The following TMC1 variants were observed in gnomAD, a reference collection of about 807,000 sequenced individuals.
TMC1 encodes the protein transmembrane channel-like protein 1.
In TMC1, 84 loss-of-function variants were observed where a neutral mutation model predicts 105.8. That is an observed-to-expected ratio of 0.79 (90% CI 0.67 to 0.95). The LOEUF (loss-of-function observed/expected upper bound fraction) is 0.95, where lower values mean the gene tolerates loss of function less well. TMC1 is among the 40% of genes least tolerant of loss of function. The pLI is 0.00. For missense variants in TMC1, 817 were observed against 914.1 expected, an observed-to-expected ratio of 0.89 and a Z score of 1.37; for synonymous variants, 315 against 311.5, an observed-to-expected ratio of 1.01 and a Z score of -0.12.
At chr9:72,632,285 G>A (rs1048598595) in intron 4 of TMC1, among the ~76,000 whole-genome samples, 1 of 152,152 alleles carries the variant, frequency 6.6e-6, no homozygotes, top group Non-Finnish European at 1.5e-5. Flanking sequence ...CATGAGGACA[G>A]CATCAAGACA....
intron 1 of TMC1, among the ~76,000 whole-genome samples, chr9:72,529,058 T>A (rs538351364): frequency 6.8e-4 from 104 of 152,084 alleles, no homozygotes; most frequent in Non-Finnish European, 8.2e-4. Flanking sequence ...ATTTAAAGTA[T>A]GTGAGAGAAT....
chr9:72,727,390 A>G (rs1163967066), intron 8 of TMC1, among the ~76,000 whole-genome samples: 1 of 152,216 alleles, frequency 6.6e-6, no homozygotes, highest in African/African-American at 2.4e-5. Context: ...CATTAAGAAC[A>G]TAAAACATAC....
intron 1 of TMC1, among the ~76,000 whole-genome samples, chr9:72,576,875 C>T (rs1042260246): frequency 1.3e-5 from 2 of 151,810 alleles, no homozygotes; most frequent in African/African-American, 2.4e-5. Flanking sequence ...GTGATCCACC[C>T]GCCTTGGCTT....
chr9:72,804,145 C>A (rs1347065649), intron 17 of TMC1, among the ~76,000 whole-genome samples: 1 of 152,184 alleles, frequency 6.6e-6, no homozygotes, highest in Non-Finnish European at 1.5e-5. Flanking sequence ...GAAAACCAAA[C>A]ACCATATGTT....
chr9:72,662,191 CTT>C (rs71359511), intron 5 of TMC1, among the ~76,000 whole-genome samples: 8 of 141,476 alleles, frequency 5.7e-5, no homozygotes, highest in Admixed American at 7.1e-5. Context: ...TTTTCTTTTT[CTT>C]TTTTTTTTTT....
At chr9:72,606,998 T>TAGAGAGAGAGAGAGAGAG (rs566531350) in intron 2 of TMC1, among the ~76,000 whole-genome samples, 1 of 117,204 alleles carries the variant, frequency 8.5e-6, no homozygotes, top group Non-Finnish European at 1.8e-5. Context: ...TATATATATA[T>TAGAGAGAGAGAGAGAGAG]ATATAGAGAG....
At chr9:72,807,641 A>G (rs1168747747) in intron 18 of TMC1, among the ~76,000 whole-genome samples, 1 of 152,212 alleles carries the variant, frequency 6.6e-6, no homozygotes, top group Non-Finnish European at 1.5e-5. Flanking sequence ...TTTGAATTCT[A>G]CTAAACTCCT....
At chr9:72,626,065 A>T (rs868460556) in intron 3 of TMC1, among the ~76,000 whole-genome samples, 4 of 152,102 alleles carry the variant, frequency 2.6e-5, no homozygotes, top group Admixed American at 1.3e-4. Flanking sequence ...TATAAGAGAG[A>T]TGGTTTGGAG....
intron 13 of TMC1, among the ~76,000 whole-genome samples, chr9:72,779,976 G>T (rs1451096992): frequency 2.0e-5 from 3 of 152,026 alleles, no homozygotes; most frequent in African/African-American, 7.2e-5. Flanking sequence ...ATTCTTTAAG[G>T]TCAATGCAAA....
Position 72,826,911 on chromosome 9 carries a change from G to A in TMC1, c.2046G>A (p.Glu682=), listed in dbSNP as rs1828966155. 1.2e-6 allele frequency: 2 copies of A among 1,614,098 alleles called. No individual in the cohort carries two copies. Among genetic ancestry groups the A allele is most frequent in the East Asian group, 4.5e-5 (2 of 44,878 alleles). The part of the protein sequence containing the change: ...RMFEVIGETL[E]HDFPSWMAKI... Reference sequence around the variant, plus strand: ...TTGAAGTCATTGGAGAGACCCTGGAGCACGATTTCCCAAGCTGGATGGCGA... The same window carrying A: ...TTGAAGTCATTGGAGAGACCCTGGAACACGATTTCCCAAGCTGGATGGCGA... Residue 682 remains glutamate (E), a synonymous_variant, in exon 21 of 24, where the codon GAG becomes GAA. Transcript: ENST00000297784.
chr9:72,671,972 C>T (rs1030523540), intron 5 of TMC1, among the ~76,000 whole-genome samples: 1 of 152,178 alleles, frequency 6.6e-6, no homozygotes, highest in African/African-American at 2.4e-5. Context: ...AGATGAAACA[C>T]ATGTAAGAAC....
At chr9:72,688,663 G>C (rs202182752) in intron 5 of TMC1, 46 bp from the exon 6 acceptor site, 9 of 1,509,590 alleles carry the variant, frequency 6.0e-6, no homozygotes, top group Non-Finnish European at 7.3e-6. Context: ...ACTAACAATT[G>C]TACAGGCATT....
intron 17 of TMC1, among the ~76,000 whole-genome samples, chr9:72,793,227 G>C (rs546482222): frequency 6.6e-6 from 1 of 152,246 alleles, no homozygotes; most frequent in South Asian, 2.1e-4. Context: ...CAGGAGGTTA[G>C]ACCCCCAACC....
At chr9:72,579,302 C>T (rs1382944672) in intron 2 of TMC1, among the ~76,000 whole-genome samples, 1 of 152,156 alleles carries the variant, frequency 6.6e-6, no homozygotes, top group East Asian at 1.9e-4. Context: ...CTTCTCAGTT[C>T]CTGGCTTCAC....
At chr9:72,640,331 A>AT (rs1280764661) in intron 4 of TMC1, among the ~76,000 whole-genome samples, 1 of 152,204 alleles carries the variant, frequency 6.6e-6, no homozygotes, top group Non-Finnish European at 1.5e-5. Flanking sequence ...ATGGTCGCCA[A>AT]TCCTTTATTG....
chr9:72,558,039 A>G (rs1823973842), intron 1 of TMC1, among the ~76,000 whole-genome samples: 1 of 152,138 alleles, frequency 6.6e-6, no homozygotes, highest in Non-Finnish European at 1.5e-5. Flanking sequence ...TGGCACTGTA[A>G]GGGCAGCCAG....
chr9:72,573,778 CT>C (rs1349550234), intron 1 of TMC1, among the ~76,000 whole-genome samples: 2 of 152,130 alleles, frequency 1.3e-5, no homozygotes, highest in Non-Finnish European at 2.9e-5. Context: ...CTTTTACTGT[CT>C]TTTTTCTTTT....
At chr9:72,587,087 C>G (rs879444058) in intron 2 of TMC1, among the ~76,000 whole-genome samples, 1 of 152,086 alleles carries the variant, frequency 6.6e-6, no homozygotes, top group African/African-American at 2.4e-5. Flanking sequence ...CAGGACAGCC[C>G]TCCCACAATA....
At chr9:72,818,375 C>T (rs763033185) in intron 19 of TMC1, among the ~76,000 whole-genome samples, 37 of 152,248 alleles carry the variant, frequency 2.4e-4, no homozygotes, top group South Asian at 1.0e-3. Context: ...CCTTTATTTA[C>T]GCACTTATTT....
Sources: gnomAD v4.1 joint callset for allele counts (sites outside exome capture counted in the v4.1 genomes callset) on GRCh38, gnomAD v4.1.1 for gene constraint, MANE v1.5 for transcripts, NCBI Gene and HGNC (gene_info 2026-07-23, HGNC 2026-07-21) for gene names.